Variants in NR6A1 observed in about 807,000 individuals in gnomAD.
NR6A1 encodes nuclear receptor subfamily 6 group A member 1, also known as retinoic acid receptor-related testis-associated receptor.
A neutral mutation model predicts 59.1 loss-of-function variants in NR6A1; 7 were observed. That is an observed-to-expected ratio of 0.12 (90% CI 0.07 to 0.22). NR6A1 has a LOEUF of 0.22. Among genes scored for constraint, NR6A1 ranks in the 10% least tolerant of loss-of-function variants. NR6A1 has a pLI of 1.00. For synonymous variants in NR6A1, 243 were observed against 236.1 expected, an observed-to-expected ratio of 1.03 and a Z score of -0.27; for missense variants, 468 against 611.6, an observed-to-expected ratio of 0.77 and a Z score of 2.48.
At chr9:124,605,980 A>G (rs1835566276) in intron 2 of NR6A1, among the ~76,000 whole-genome samples, 1 of 151,814 alleles carries the variant, frequency 6.6e-6, no homozygotes, top group African/African-American at 2.4e-5. Flanking sequence ...TTTCTGCATC[A>G]CCTTCCTGCA....
At chr9:124,613,773 T>C (rs756453830) in intron 2 of NR6A1, among the ~76,000 whole-genome samples, 98 of 152,194 alleles carry the variant, frequency 6.4e-4, no homozygotes, top group Non-Finnish European at 1.1e-3. Flanking sequence ...ATTACTGGCA[T>C]AAAGAAGTCT....
intron 2 of NR6A1, among the ~76,000 whole-genome samples, chr9:124,566,216 T>C: frequency 6.6e-6 from 1 of 152,220 alleles, no homozygotes. Context: ...TCCATTTGTA[T>C]TAAGCTTAAA....
chr9:124,735,255 T>C (rs1041312944), intron 1 of NR6A1, among the ~76,000 whole-genome samples: 1 of 152,202 alleles, frequency 6.6e-6, no homozygotes, highest in African/African-American at 2.4e-5. Flanking sequence ...AAATGACTCA[T>C]CCTTTAAGAT....
intron 2 of NR6A1, among the ~76,000 whole-genome samples, chr9:124,573,649 T>C (rs1834510240): frequency 6.6e-6 from 1 of 152,228 alleles, no homozygotes. Flanking sequence ...TATGTCCGAG[T>C]TCTTTTTAAA....
chr9:124,681,052 C>G (rs950110931), intron 2 of NR6A1, among the ~76,000 whole-genome samples: 2 of 152,174 alleles, frequency 1.3e-5, no homozygotes, highest in African/African-American at 4.8e-5. Context: ...TTTATTCAAT[C>G]TTGACCCTGA....
In NR6A1 at chr9:124,552,740, A is replaced by G. The variant is rs187536859; in HGVS notation, c.385+1588T>C. 2.6e-5 allele frequency among the ~76,000 whole-genome samples: 4 copies of G among 152,334 alleles called. No homozygotes were observed. The East Asian group carries it at 7.7e-4, about 29-fold the overall frequency. Reference sequence around the variant, plus strand: ...AGTTAATAACAGGGTTGTTGTATGTATTCAGTGGTAGAATATATATATGGA... The same window carrying G: ...AGTTAATAACAGGGTTGTTGTATGTGTTCAGTGGTAGAATATATATATGGA... On this transcript the variant is annotated intron_variant, in intron 3 of 9. Transcript: ENST00000487099.
chr9:124,769,138 C>T (rs866508105), intron 1 of NR6A1, among the ~76,000 whole-genome samples: 83 of 152,098 alleles, frequency 5.5e-4, no homozygotes, highest in African/African-American at 1.9e-3. Context: ...TCCAGCTTCC[C>T]CCTTTGTGAC....
intron 2 of NR6A1, among the ~76,000 whole-genome samples, chr9:124,559,938 C>A (rs747410712): frequency 4.6e-5 from 7 of 152,046 alleles, no homozygotes; most frequent in Non-Finnish European, 8.8e-5. Flanking sequence ...ATTAATTTTG[C>A]TTCTATGTTT....
intron 3 of NR6A1, among the ~76,000 whole-genome samples, chr9:124,550,652 C>G (rs73579826): frequency 0.018 from 2,756 of 152,098 alleles, 75 homozygotes; most frequent in African/African-American, 0.062. Context: ...ACCACTGTGC[C>G]CAGCCCTAAT....
chr9:124,733,419 T>C, intron 1 of NR6A1, 70 bp from the exon 2 acceptor site: 1 of 1,166,314 alleles, frequency 8.6e-7, no homozygotes, highest in Non-Finnish European at 1.3e-6. Context: ...AAATATGAAG[T>C]ATCATACAGT....
chr9:124,612,615 C>G (rs921417094), intron 2 of NR6A1, among the ~76,000 whole-genome samples: 1 of 152,194 alleles, frequency 6.6e-6, no homozygotes, highest in African/African-American at 2.4e-5. Flanking sequence ...AGTTACTTAA[C>G]TGGGTTAGCA....
intron 2 of NR6A1, among the ~76,000 whole-genome samples, chr9:124,569,037 C>T (rs1425916658): frequency 2.0e-5 from 3 of 151,766 alleles, no homozygotes; most frequent in Non-Finnish European, 4.4e-5. Flanking sequence ...GGCATGAACC[C>T]GGGAGGCGGA....
chr9:124,627,503 A>G (rs1409504747), intron 2 of NR6A1, among the ~76,000 whole-genome samples: 1 of 152,248 alleles, frequency 6.6e-6, no homozygotes, highest in Admixed American at 6.5e-5. Flanking sequence ...GCAGGATGAC[A>G]AAGTAAGCAA....
At chr9:124,677,088 AAAAT>A (rs1309921702) in intron 2 of NR6A1, among the ~76,000 whole-genome samples, 1 of 152,182 alleles carries the variant, frequency 6.6e-6, no homozygotes, top group Non-Finnish European at 1.5e-5. Context: ...CCAAATCTCA[AAAAT>A]AACAGGTTAA....
chr9:124,766,890 C>T (rs1438359734), intron 1 of NR6A1, among the ~76,000 whole-genome samples: 1 of 152,046 alleles, frequency 6.6e-6, no homozygotes, highest in African/African-American at 2.4e-5. Flanking sequence ...TAATATCTAC[C>T]CAATTATAAA....
chr9:124,551,739 G>C (rs1833783736), intron 3 of NR6A1, among the ~76,000 whole-genome samples: 1 of 152,160 alleles, frequency 6.6e-6, no homozygotes, highest in Admixed American at 6.5e-5. Flanking sequence ...CATCCTAGCT[G>C]ATTAAACAAA....
intron 2 of NR6A1, among the ~76,000 whole-genome samples, chr9:124,560,540 A>T (rs1588666896): frequency 6.6e-6 from 1 of 152,192 alleles, no homozygotes; most frequent in East Asian, 1.9e-4. Flanking sequence ...AGCATCCTGG[A>T]AATAGTTATT....
intron 2 of NR6A1, among the ~76,000 whole-genome samples, chr9:124,711,985 G>T (rs1839292843): frequency 6.6e-6 from 1 of 152,174 alleles, no homozygotes; most frequent in South Asian, 2.1e-4. Context: ...AGATTTTGAA[G>T]CCTAGCTGTA....
intron 2 of NR6A1, among the ~76,000 whole-genome samples, chr9:124,670,158 C>T (rs1837745802): frequency 6.6e-6 from 1 of 150,436 alleles, no homozygotes; most frequent in Non-Finnish European, 1.5e-5. Flanking sequence ...GGCAGGAGGA[C>T]TGCTTGAAGC....
Sources: allele counts gnomAD v4.1 joint callset (sites outside exome capture counted in the v4.1 genomes callset), GRCh38; gene constraint gnomAD v4.1.1; transcripts MANE v1.5; gene names NCBI Gene and HGNC (gene_info 2026-07-23, HGNC 2026-07-21).